Variants in GSE1 observed in about 807,000 individuals in gnomAD.
GSE1 encodes genetic suppressor element 1.
A neutral mutation model predicts 112.6 loss-of-function variants in GSE1; 32 were observed. The ratio of observed to expected loss-of-function variants is 0.28; its 90% confidence interval spans 0.21 to 0.38. GSE1 has a LOEUF of 0.38. Ranked by LOEUF, GSE1 falls within the 10% of genes least tolerant of loss-of-function variation. GSE1 has a pLI of 1.00. For synonymous variants in GSE1, 1,115 were observed against 735.6 expected, an observed-to-expected ratio of 1.52 and a Z score of -8.35; for missense variants, 2,348 against 1,699.2, an observed-to-expected ratio of 1.38 and a Z score of -6.71.
chr16:85,423,206 G>C (rs1167437306), intron 2 of GSE1, among the ~76,000 whole-genome samples: 1 of 152,228 alleles, frequency 6.6e-6, no homozygotes, highest in African/African-American at 2.4e-5. Flanking sequence ...ACCCTTCTCT[G>C]CAGGGAAGGG....
intron 1 of GSE1, among the ~76,000 whole-genome samples, chr16:85,316,494 C>G (rs919355096): frequency 3.9e-4 from 59 of 152,310 alleles, no homozygotes; most frequent in African/African-American, 1.4e-3. Flanking sequence ...CCTCTCTGCC[C>G]GGTGAAGAGC....
At chr16:85,218,431 T>C (rs2075339212) in intron 1 of GSE1, among the ~76,000 whole-genome samples, 1 of 152,192 alleles carries the variant, frequency 6.6e-6, no homozygotes, top group Non-Finnish European at 1.5e-5. Flanking sequence ...TTAAACCCCT[T>C]CATTGAGTGC....
intron 2 of GSE1, among the ~76,000 whole-genome samples, chr16:85,472,524 T>TGG (rs999024706): frequency 3.3e-5 from 5 of 152,224 alleles, no homozygotes; most frequent in Admixed American, 3.3e-4. Context: ...TGGCCTCATC[T>TGG]TACCTAATTA....
chr16:85,637,469 T>TCTGGTGGA (rs2050096498), intron 2 of GSE1, among the ~76,000 whole-genome samples: 2 of 151,996 alleles, frequency 1.3e-5, no homozygotes, highest in East Asian at 3.9e-4. Context: ...CTGTGCCCCC[T>TCTGGTGGA]TGATTGCAGC....
At chr16:85,332,280 C>A (rs2046391104) in intron 1 of GSE1, among the ~76,000 whole-genome samples, 1 of 152,216 alleles carries the variant, frequency 6.6e-6, no homozygotes, top group South Asian at 2.1e-4. Flanking sequence ...GGTCTGTATG[C>A]CTTGGTCTCC....
At chr16:85,543,988 C>A (rs1054907755) in intron 2 of GSE1, among the ~76,000 whole-genome samples, 1 of 152,210 alleles carries the variant, frequency 6.6e-6, no homozygotes, top group Non-Finnish European at 1.5e-5. Context: ...CAGGCGTGCA[C>A]CACCACACCT....
chr16:85,611,450 A>AG (rs1361219620), upstream of GSE1: 7 of 984,870 alleles, frequency 7.1e-6, no homozygotes, highest in Non-Finnish European at 8.4e-6. Flanking sequence ...CAAGGCCGCA[A>AG]GGGGGGCGCC....
chr16:85,673,596 G>A lies in GSE1; in HGVS notation c.*1057G>A, dbSNP rs776438419. The stretch of plus-strand genomic sequence containing the variant: ...AAAAGTAAAAGAGCTTACCACTGGC[G>A]CCTATGCGATCACTTCATTTTTAGT... On this transcript the variant is annotated 3_prime_UTR_variant, in exon 16 of 16. Transcript: ENST00000253458. 5.9e-5 allele frequency: 9 copies of A among 152,112 alleles called. No homozygotes were observed. Among genetic ancestry groups the A allele is most frequent in the East Asian group, 1.9e-4 (1 of 5,184 alleles). The allele number at this position is 152,112 out of a possible 1,614,324, so 9.4% of individuals were successfully genotyped here.
intron 2 of GSE1, among the ~76,000 whole-genome samples, chr16:85,459,511 T>G (rs185255887): frequency 3.0e-4 from 45 of 152,368 alleles, no homozygotes; most frequent in Non-Finnish European, 4.9e-4. Context: ...TCCCATTGGC[T>G]GTTAGGGGCT....
intron 2 of GSE1, among the ~76,000 whole-genome samples, chr16:85,540,041 A>G (rs1288303165): frequency 6.6e-6 from 1 of 152,198 alleles, no homozygotes; most frequent in Non-Finnish European, 1.5e-5. Flanking sequence ...ACAGGTGCCT[A>G]TAATTCCAGC....
At chr16:85,203,390 G>C (rs894939704) in intron 1 of GSE1, among the ~76,000 whole-genome samples, 1 of 152,196 alleles carries the variant, frequency 6.6e-6, no homozygotes, top group African/African-American at 2.4e-5. Context: ...TGGCACCCTG[G>C]CAACAGTGGT....
chr16:85,279,503 G>GC (rs1412161637), intron 1 of GSE1, among the ~76,000 whole-genome samples: 2 of 151,898 alleles, frequency 1.3e-5, no homozygotes, highest in East Asian at 1.9e-4. Context: ...GCCACTCAAG[G>GC]GGGGATCACT....
chr16:85,409,466 C>G (rs1415100989), intron 2 of GSE1, among the ~76,000 whole-genome samples: 1 of 13,422 alleles, frequency 7.5e-5, no homozygotes, highest in African/African-American at 1.4e-4. Context: ...CTCACTGTTA[C>G]TCTCAGGCCC....
intron 1 of GSE1, among the ~76,000 whole-genome samples, chr16:85,342,041 G>A (rs374590924): frequency 6.6e-6 from 1 of 152,150 alleles, no homozygotes; most frequent in South Asian, 2.1e-4. Context: ...ACTTGCAGGT[G>A]AGCAGGTGGG....
intron 1 of GSE1, among the ~76,000 whole-genome samples, chr16:85,259,356 G>T (rs958673024): frequency 2.0e-5 from 3 of 152,108 alleles, no homozygotes; most frequent in African/African-American, 7.2e-5. Context: ...CCTTCCCTCC[G>T]TGCTCCACCC....
At position 85,373,328 on chromosome 16, in the gene GSE1, T is replaced by C. The variant is rs1597516649; in HGVS notation, c.2464+15685T>C. Among the ~76,000 whole-genome samples, 1 of 152,250 alleles carries C rather than the reference T, an allele frequency of 6.6e-6. No homozygotes were observed. Among genetic ancestry groups the C allele is most frequent in the East Asian group, 1.9e-4 (1 of 5,192 alleles). On this transcript the variant is annotated intron_variant, in intron 2 of 2. Transcript: ENST00000637419. The surrounding 1 kb of genome is among the most constrained non-coding windows in gnomAD (Gnocchi z 5.1). The stretch of plus-strand genomic sequence containing the variant: ...ACAGCCAGGCTGTTGGGGTGCCTTC[T>C]CTGATGTCTTCTATCATGGGCTGTT...
chr16:85,535,976 G>C (rs2044313469), intron 2 of GSE1, among the ~76,000 whole-genome samples: 1 of 152,250 alleles, frequency 6.6e-6, no homozygotes, highest in South Asian at 2.1e-4. Context: ...TCTAGGCCTA[G>C]GCTTTGGGAT....
chr16:85,477,067 A>C (rs182832288), intron 2 of GSE1, among the ~76,000 whole-genome samples: 3 of 151,998 alleles, frequency 2.0e-5, no homozygotes, highest in African/African-American at 7.2e-5. Context: ...CTGGGATGAC[A>C]GGTGTACGCA....
chr16:85,267,944 G>A (rs890768521), intron 1 of GSE1, among the ~76,000 whole-genome samples: 1 of 152,202 alleles, frequency 6.6e-6, no homozygotes, highest in Non-Finnish European at 1.5e-5. Context: ...TCATCTGGGA[G>A]ATGGGGCTAA....
Sources: allele counts gnomAD v4.1 joint callset (sites outside exome capture counted in the v4.1 genomes callset), GRCh38; gene constraint gnomAD v4.1.1; non-coding constraint Gnocchi (gnomAD v3.1); transcripts MANE v1.5; gene names NCBI Gene and HGNC (gene_info 2026-07-23, HGNC 2026-07-21).